SPAG9: variants seen among roughly 807,000 people sequenced by gnomAD.
The protein encoded by SPAG9 is sperm associated antigen 9.
In SPAG9, 35 loss-of-function variants were observed where a neutral mutation model predicts 166.5. The ratio of observed to expected loss-of-function variants is 0.21; its 90% CI spans 0.16 to 0.28. The LOEUF (loss-of-function observed/expected upper bound fraction) is 0.28. SPAG9 is among the 10% of genes least tolerant of loss of function. SPAG9 has a pLI of 1.00. For synonymous variants in SPAG9, 534 were observed against 565.5 expected (o/e 0.94, Z 0.79); for missense variants, 1,235 against 1,603.3 (o/e 0.77, Z 3.92).
At chr17:51,110,418 T>C (rs185318847) in intron 1 of SPAG9, among the ~76,000 whole-genome samples, 355 of 148,302 alleles carry the variant, frequency 2.4e-3, no homozygotes, top group African/African-American at 8.4e-3. Flanking sequence ...TAGCTGGACG[T>C]GGTGGCTCAC....
intron 2 of SPAG9, among the ~76,000 whole-genome samples, chr17:51,068,853 A>T (rs2047743200): frequency 6.6e-6 from 1 of 152,156 alleles, no homozygotes; most frequent in Non-Finnish European, 1.5e-5. Flanking sequence ...TTCTCAATAG[A>T]CAACACTAGA....
chr17:51,056,333 A>G, intron 3 of SPAG9, 79 bp downstream of exon 3: 3 of 823,716 alleles, frequency 3.6e-6, no homozygotes, highest in Non-Finnish European at 4.0e-6. Flanking sequence ...TGATTTTCAA[A>G]GAAAAATTAA....
At chr17:51,096,150 G>A (rs1006038848) in intron 1 of SPAG9, among the ~76,000 whole-genome samples, 7 of 150,032 alleles carry the variant, frequency 4.7e-5, no homozygotes, top group Admixed American at 2.0e-4. Context: ...GTTCGAGACC[G>A]GCCTTGTCAA....
chr17:51,088,229 A>G (rs1486715615), intron 1 of SPAG9, among the ~76,000 whole-genome samples: 8 of 152,244 alleles, frequency 5.3e-5, no homozygotes, highest in Admixed American at 5.2e-4. Flanking sequence ...TGTAATAGTT[A>G]AGCCACACAC....
intron 1 of SPAG9, among the ~76,000 whole-genome samples, chr17:51,112,204 T>A (rs887129000): frequency 1.3e-5 from 2 of 151,992 alleles, no homozygotes; most frequent in African/African-American, 2.4e-5. Flanking sequence ...CATATCTCTA[T>A]CTACTCTGGC....
chr17:50,985,813 A>G, intron 22 of SPAG9, 35 bp from the exon 23 acceptor site: 1 of 1,208,122 alleles, frequency 8.3e-7, no homozygotes, highest in Non-Finnish European at 1.2e-6. Context: ...TAAGGCATAG[A>G]GAACATCAAG....
intron 19 of SPAG9, among the ~76,000 whole-genome samples, chr17:50,991,627 AT>A (rs879696026): frequency 1.2e-3 from 174 of 144,502 alleles, no homozygotes; most frequent in Non-Finnish European, 1.2e-3. Flanking sequence ...CATCACCATT[AT>A]TTTTTTTTTT....
rs1598184697 is a variant in SPAG9, at chr17:51,101,890, G to T, written c.303+18464C>A. ...TCTGCCCTCCTTGGCCTCCCAAAGT[G>T]CTGGGATTATAGGCATAAGCCACCG... On this transcript the variant is annotated intron_variant, in intron 1 of 29. Transcript: ENST00000262013. Among the ~76,000 whole-genome samples, 8 of 152,218 alleles carry T rather than the reference G, an allele frequency of 5.3e-5. 2 individuals are homozygous for T. The highest frequency in any genetic ancestry group is 5.2e-4 in the Admixed American group (8 of 15,280).
chr17:50,991,261 GACA>G (rs1320842816), intron 19 of SPAG9, among the ~76,000 whole-genome samples: 1 of 151,674 alleles, frequency 6.6e-6, no homozygotes, highest in Non-Finnish European at 1.5e-5. Context: ...TATTATATCT[GACA>G]ACATCAGCCA....
At chr17:51,095,896 CAGTGATATATAT>C (rs1226116398) in intron 1 of SPAG9, among the ~76,000 whole-genome samples, 4 of 135,262 alleles carry the variant, frequency 3.0e-5, no homozygotes, top group South Asian at 2.3e-4. Context: ...GTGATATATA[CAGTGATATATAT>C]AGTGATATAT....
intron 9 of SPAG9, chr17:51,007,848 TG>T (rs1567991354): frequency 2.2e-6 from 1 of 452,846 alleles, no homozygotes; most frequent in South Asian, 1.6e-5. Flanking sequence ...AAAGAAATTA[TG>T]GTCTTAAAGC....
At chr17:51,106,449 T>C (rs565124909) in intron 1 of SPAG9, among the ~76,000 whole-genome samples, 81 of 152,340 alleles carry the variant, frequency 5.3e-4, no homozygotes, top group African/African-American at 1.8e-3. Context: ...CAAGACAAGA[T>C]AGGCTACCTT....
chr17:51,092,585 T>C (rs2048496457), intron 1 of SPAG9, among the ~76,000 whole-genome samples: 1 of 151,860 alleles, frequency 6.6e-6, no homozygotes, highest in African/African-American at 2.4e-5. Context: ...AAAGATACAA[T>C]GATATAGTCT....
At chr17:50,998,022 ATTTTTTTTTTTTTTTTT>A (rs563896612) in intron 15 of SPAG9, among the ~76,000 whole-genome samples, 1 of 90,760 alleles carries the variant, frequency 1.1e-5, no homozygotes, top group Non-Finnish European at 2.2e-5. Flanking sequence ...TACAGAAATG[ATTTTTTTTTTTTTTTTT>A]TTTTTTTTTT....
chr17:51,011,012 G>A (rs1012597698), intron 9 of SPAG9, among the ~76,000 whole-genome samples: 13 of 152,248 alleles, frequency 8.5e-5, no homozygotes, highest in African/African-American at 2.9e-4. Context: ...ATCCTGTTAA[G>A]ATGACTGAAA....
At chr17:51,057,020 A>G (rs2047380305) in intron 2 of SPAG9, among the ~76,000 whole-genome samples, 1 of 152,098 alleles carries the variant, frequency 6.6e-6, no homozygotes, top group Admixed American at 6.6e-5. Context: ...AAAAAAAAAA[A>G]GTTTTATTAA....
intron 1 of SPAG9, among the ~76,000 whole-genome samples, chr17:51,091,813 GTTAAAAAAAAAAAAATCA>G (rs922691842): frequency 1.4e-5 from 2 of 147,458 alleles, no homozygotes; most frequent in African/African-American, 5.0e-5. Flanking sequence ...ACTAGACACC[GTTAAAAAAAAAAAAATCA>G]GTGGACAATA....
At chr17:51,070,898 T>C (rs1193675440) in intron 2 of SPAG9, among the ~76,000 whole-genome samples, 2 of 152,114 alleles carry the variant, frequency 1.3e-5, no homozygotes, top group African/African-American at 4.8e-5. Flanking sequence ...TTCTGGATGG[T>C]GGATTTATGT....
intron 1 of SPAG9, among the ~76,000 whole-genome samples, chr17:51,083,831 C>G (rs2048235778): frequency 6.6e-6 from 1 of 151,896 alleles, no homozygotes; most frequent in African/African-American, 2.4e-5. Context: ...CCATATTTCC[C>G]CAGAAAAAAC....
Sources: allele counts gnomAD v4.1 joint callset (sites outside exome capture counted in the v4.1 genomes callset), GRCh38; gene constraint gnomAD v4.1.1; transcripts MANE v1.5; gene names NCBI Gene and HGNC (gene_info 2026-07-23, HGNC 2026-07-21).